Variants in MARCHF1 observed in about 807,000 individuals in gnomAD.
MARCHF1 encodes E3 ubiquitin-protein ligase MARCHF1.
A neutral mutation model predicts 54.2 loss-of-function variants in MARCHF1; 40 were observed. The observed-to-expected ratio is 0.74, with a 90% CI of 0.57 to 0.96. The LOEUF is 0.96. Ranked by LOEUF, MARCHF1 falls within the 40% of genes least tolerant of loss-of-function variation. MARCHF1 has a pLI of 0.00. For synonymous variants in MARCHF1, 236 were observed against 236.3 expected, an observed-to-expected ratio of 1.00 and a Z score of 0.01; for missense variants, 586 against 656.5, an observed-to-expected ratio of 0.89 and a Z score of 1.17.
chr4:163,577,482 A>C (rs1239973241), intron 8 of MARCHF1, among the ~76,000 whole-genome samples: 1 of 151,956 alleles, frequency 6.6e-6, no homozygotes, highest in East Asian at 1.9e-4. Context: ...TTTGTATGTA[A>C]TCTGACCTTT....
At chr4:164,360,501 TATTCGAACAGGAATATGTTTTATTCCA>T (rs1218058075) in intron 1 of MARCHF1, among the ~76,000 whole-genome samples, 2 of 152,202 alleles carry the variant, frequency 1.3e-5, no homozygotes, top group Non-Finnish European at 2.9e-5. Flanking sequence ...TATGTGTTCA[TATTCGAACAGGAATATGTTTTATTCCA>T]ACAGTGTTTT....
At chr4:163,785,465 C>T (rs914062700) in intron 4 of MARCHF1, among the ~76,000 whole-genome samples, 3 of 151,968 alleles carry the variant, frequency 2.0e-5, no homozygotes, top group Non-Finnish European at 4.4e-5. Flanking sequence ...CAAATTATGG[C>T]TCTTTTGTTC....
chr4:163,804,569 T>C (rs1189103881), intron 4 of MARCHF1, among the ~76,000 whole-genome samples: 2 of 152,204 alleles, frequency 1.3e-5, no homozygotes, highest in Non-Finnish European at 2.9e-5. Flanking sequence ...GTAAACTCTA[T>C]ATTAAGCAGA....
At position 164,167,059 on chromosome 4, in the gene MARCHF1, T is replaced by C. The variant is rs183253393; in HGVS notation, c.-322-55397A>G. Among the ~76,000 whole-genome samples, 5 of 151,816 alleles carry C rather than the reference T, an allele frequency of 3.3e-5. No individual in the cohort carries two copies. The East Asian group carries it at 5.8e-4, about 18-fold the overall frequency. ...GTCATCAATATTATCAATAAGTGTT[T>C]TCTGAGCCTGCATCAATATAATGAG... On this transcript the variant is annotated intron_variant, in intron 1 of 9. Transcript: ENST00000514618.
Position 164,182,610 on chromosome 4 carries a change from G to A in MARCHF1, c.-322-70948C>T, listed in dbSNP as rs1020536515. 9.3e-5 allele frequency among the ~76,000 whole-genome samples: 14 copies of A among 151,134 alleles called. 1 individual carries two copies. In the East Asian group the frequency reaches 1.2e-3, roughly 13 times the overall value. On this transcript the variant is annotated intron_variant, in intron 1 of 9. Transcript: ENST00000514618. The stretch of plus-strand genomic sequence containing the variant: ...TGTTTACATGTACATTTATAAAAGC[G>A]TCTGATGTATGTGCAAGAAAAACCA...
In MARCHF1 at chr4:163,545,689, T is replaced by G; in HGVS notation, c.1246A>C (p.Thr416Pro). 2 of 1,614,136 alleles carry G rather than the reference T, an allele frequency of 1.2e-6. No individual in the cohort carries two copies. Among genetic ancestry groups the G allele is most frequent in the Non-Finnish European group, 1.7e-6 (2 of 1,179,994 alleles). ...CAGGTGATCGCGATTACGTGGAATG[T>G]GACAGAGCAGAATATTTTCCTCCTT... ...SERRKIFCSVTFHVIAITCVV... is the reference protein window; with the variant it reads ...SERRKIFCSVPFHVIAITCVV... Residue 416 changes from threonine (T) to proline (P), a missense_variant, in exon 9 of 10, where the codon ACA (threonine) becomes CCA (proline). Coordinates refer to ENST00000514618, the MANE Select transcript of MARCHF1 (RefSeq NM_001394959.1).
chr4:164,330,318 C>T (rs1357352672), intron 1 of MARCHF1, among the ~76,000 whole-genome samples: 1 of 152,096 alleles, frequency 6.6e-6, no homozygotes, highest in East Asian at 1.9e-4. Context: ...TCTCACTACT[C>T]CCTTCCTATA....
intron 3 of MARCHF1, among the ~76,000 whole-genome samples, chr4:163,877,384 C>A (rs1259972770): frequency 6.6e-6 from 1 of 151,738 alleles, no homozygotes; most frequent in African/African-American, 2.4e-5. Flanking sequence ...AACTGAAGAG[C>A]TCTGAAAAAA....
At chr4:163,633,147 A>G (rs1313285922) in intron 5 of MARCHF1, among the ~76,000 whole-genome samples, 1 of 152,210 alleles carries the variant, frequency 6.6e-6, no homozygotes, top group Non-Finnish European at 1.5e-5. Flanking sequence ...AGATGGGGAA[A>G]AAACAGAACA....
chr4:164,160,251 T>C (rs11931264), intron 1 of MARCHF1, among the ~76,000 whole-genome samples: 29,003 of 152,036 alleles, frequency 0.19, 4,413 homozygotes, highest in African/African-American at 0.41. Context: ...ACTGCACTTC[T>C]GCAAACCTAG....
At chr4:163,914,197 T>A (rs1015313179) in intron 3 of MARCHF1, among the ~76,000 whole-genome samples, 1 of 152,080 alleles carries the variant, frequency 6.6e-6, no homozygotes, top group African/African-American at 2.4e-5. Flanking sequence ...AAATATTCTT[T>A]GAAAAATCAC....
intron 4 of MARCHF1, among the ~76,000 whole-genome samples, chr4:163,730,488 T>A (rs1252462198): frequency 6.6e-6 from 1 of 152,136 alleles, no homozygotes; most frequent in Non-Finnish European, 1.5e-5. Flanking sequence ...AAAGCGGACA[T>A]GTGAATGTAA....
At chr4:164,288,839 CT>C (rs1192819304) in intron 1 of MARCHF1, among the ~76,000 whole-genome samples, 1 of 152,012 alleles carries the variant, frequency 6.6e-6, no homozygotes. Context: ...TCTCAGAAAT[CT>C]TTGGCATTTG....
At chr4:163,944,795 G>T (rs10857365) in intron 3 of MARCHF1, among the ~76,000 whole-genome samples, 125,751 of 152,082 alleles carry the variant, frequency 0.83, 52,316 homozygotes, top group East Asian at 0.93. Context: ...AATTTTCTAC[G>T]CTTCCATTCA....
chr4:164,355,822 A>G (rs1730509591), intron 1 of MARCHF1, among the ~76,000 whole-genome samples: 1 of 112,540 alleles, frequency 8.9e-6, no homozygotes, highest in East Asian at 2.7e-4. Flanking sequence ...ATCAGAGTGA[A>G]CAGGCAACCT....
intron 3 of MARCHF1, among the ~76,000 whole-genome samples, chr4:163,911,511 A>G (rs972925798): frequency 2.6e-5 from 4 of 152,174 alleles, no homozygotes; most frequent in African/African-American, 9.7e-5. Flanking sequence ...ACTTTTCAGT[A>G]GTAATTACAG....
intron 1 of MARCHF1, among the ~76,000 whole-genome samples, chr4:164,294,425 A>G (rs542335182): frequency 6.6e-6 from 1 of 152,262 alleles, no homozygotes; most frequent in East Asian, 1.9e-4. Flanking sequence ...CTTCTCACAC[A>G]TAGCTCCAGC....
chr4:163,949,092 C>T (rs1382516889), intron 3 of MARCHF1, among the ~76,000 whole-genome samples: 2 of 152,214 alleles, frequency 1.3e-5, no homozygotes, highest in Non-Finnish European at 2.9e-5. Context: ...GCAGTCTGCA[C>T]TCAACTCTCA....
intron 2 of MARCHF1, among the ~76,000 whole-genome samples, chr4:164,069,741 AATTCTGGACACACC>A (rs1401919860): frequency 6.6e-6 from 1 of 152,190 alleles, no homozygotes; most frequent in African/African-American, 2.4e-5. Flanking sequence ...AGAACCCACC[AATTCTGGACACACC>A]ATTACTAGGT....
Sources: allele counts gnomAD v4.1 joint callset (sites outside exome capture counted in the v4.1 genomes callset), GRCh38; gene constraint gnomAD v4.1.1; transcripts MANE v1.5; gene names NCBI Gene and HGNC (gene_info 2026-07-23, HGNC 2026-07-21).